The following EPM2A variants were observed in gnomAD, a reference collection of about 807,000 sequenced individuals.
EPM2A encodes the protein EPM2A glucan phosphatase, laforin.
EPM2A carries 21 observed loss-of-function variants against 26.5 expected under a neutral mutation model. The observed-to-expected ratio is 0.79, with a 90% CI of 0.56 to 1.14. EPM2A has a LOEUF of 1.14. Ranked by LOEUF, EPM2A falls within the 50% of genes most tolerant of loss-of-function variation. EPM2A has a pLI of 0.00. For synonymous variants in EPM2A, 217 were observed against 177.6 expected, an observed-to-expected ratio of 1.22 and a Z score of -1.76; for missense variants, 458 against 440.8, an observed-to-expected ratio of 1.04 and a Z score of -0.35.
chr6:145,464,924 A>G (rs909486899), intron 4 of EPM2A, among the ~76,000 whole-genome samples: 5 of 151,978 alleles, frequency 3.3e-5, no homozygotes, highest in African/African-American at 4.8e-5. Context: ...CCTTCATTTC[A>G]ACTTTGGTGA....
At chr6:145,719,131 C>T (rs944201318) in intron 1 of EPM2A, among the ~76,000 whole-genome samples, 1 of 151,786 alleles carries the variant, frequency 6.6e-6, no homozygotes, top group Non-Finnish European at 1.5e-5. Flanking sequence ...GGTATATACC[C>T]AAAGGATTAT....
intron 1 of EPM2A, among the ~76,000 whole-genome samples, chr6:145,707,641 C>T (rs772380558): frequency 2.6e-5 from 4 of 152,206 alleles, no homozygotes; most frequent in South Asian, 2.1e-4. Context: ...TCATGTAAGA[C>T]GTGATTTTGC....
At chr6:145,658,069 T>C (rs959701206) in intron 2 of EPM2A, among the ~76,000 whole-genome samples, 1 of 152,226 alleles carries the variant, frequency 6.6e-6, no homozygotes, top group Non-Finnish European at 1.5e-5. Flanking sequence ...ACTATTTTAA[T>C]GTTCCCCCTA....
In EPM2A at chr6:145,385,337, A is replaced by T. The variant is rs1007231209; in HGVS notation, c.556-1240T>A. 2.7e-4 allele frequency among the ~76,000 whole-genome samples: 33 copies of T among 120,492 alleles called. 3 individuals are homozygous for T. Among genetic ancestry groups the T allele is most frequent in the African/African-American group, 9.1e-4 (29 of 31,988 alleles). The allele number at this position is 120,492 out of a possible 152,430, so 79.0% of individuals were successfully genotyped here. Reference sequence around the variant, plus strand: ...CCACATATTTGGTTTGGAATTTTGTAATTTAGTTCTTCCTTAAATATAAAG... The same window carrying T: ...CCACATATTTGGTTTGGAATTTTGTTATTTAGTTCTTCCTTAAATATAAAG... On this transcript the variant is annotated intron_variant, in intron 4 of 4. Transcript: ENST00000638717.
chr6:145,701,004 C>A (rs746951616), intron 1 of EPM2A, among the ~76,000 whole-genome samples: 1 of 152,082 alleles, frequency 6.6e-6, no homozygotes, highest in Non-Finnish European at 1.5e-5. Context: ...TAGAAATATA[C>A]AGCTAGTTGA....
At chr6:145,397,163 G>A (rs1429903541) in intron 4 of EPM2A, among the ~76,000 whole-genome samples, 1 of 152,176 alleles carries the variant, frequency 6.6e-6, no homozygotes, top group African/African-American at 2.4e-5. Flanking sequence ...CGGTTTGGTA[G>A]CTCAGGCCTG....
In EPM2A at chr6:145,666,256, A is replaced by G. The variant is rs995291815; in HGVS notation, c.476+19866T>C. ...TTGCAGACGACATGATTGTTTATCT[A>G]GAAAACCCCATTGTCTCAGCCCAAA... is the stretch of plus-strand genomic sequence containing the variant. On this transcript the variant is annotated intron_variant, in intron 2 of 3. Coordinates refer to ENST00000367519, the MANE Select transcript of EPM2A (RefSeq NM_005670.4). Among the ~76,000 whole-genome samples the G allele has an allele frequency of 4.9e-5, 5 of 102,262 alleles. No individual in the cohort carries two copies. In the East Asian group the frequency reaches 1.6e-3, roughly 32 times the overall value. The allele number at this position is 102,262 out of a possible 152,430, so 67.1% of individuals were successfully genotyped here.
At chr6:145,580,966 C>A (rs552647472) in intron 2 of EPM2A, among the ~76,000 whole-genome samples, 2 of 152,150 alleles carry the variant, frequency 1.3e-5, no homozygotes, top group East Asian at 3.9e-4. Flanking sequence ...TTGAATAGTG[C>A]TTTGATGAAC....
In EPM2A at chr6:145,551,018, G is replaced by A. The variant is rs547193446; in HGVS notation, c.341-48443C>T. Among the ~76,000 whole-genome samples the A allele has an allele frequency of 3.3e-5, 5 of 152,080 alleles. No individual in the cohort carries two copies. In the East Asian group the frequency reaches 9.7e-4, roughly 30 times the overall value. ...GAAGGTCAACTGTACAGCGAATAAGGTCTCCTGCACAGAATTCCAGAATTC... is the reference window on the plus strand; with the variant it reads ...GAAGGTCAACTGTACAGCGAATAAGATCTCCTGCACAGAATTCCAGAATTC... On this transcript the variant is annotated intron_variant, in intron 2 of 3. Transcript: ENST00000450221.
intron 4 of EPM2A, among the ~76,000 whole-genome samples, chr6:145,392,759 C>T (rs918757716): frequency 6.6e-6 from 1 of 152,034 alleles, no homozygotes; most frequent in Non-Finnish European, 1.5e-5. Flanking sequence ...TTGTCAATTG[C>T]TCCAGATGTT....
At chr6:145,565,947 C>T (rs1780879090) in intron 2 of EPM2A, among the ~76,000 whole-genome samples, 1 of 152,198 alleles carries the variant, frequency 6.6e-6, no homozygotes, top group Non-Finnish European at 1.5e-5. Flanking sequence ...AATCTCTCCT[C>T]TAAGGCAATG....
chr6:145,726,700 C>A (rs1211299956), intron 1 of EPM2A, among the ~76,000 whole-genome samples: 1 of 152,040 alleles, frequency 6.6e-6, no homozygotes, highest in Non-Finnish European at 1.5e-5. Flanking sequence ...CCCAATTGAG[C>A]AACTTTCTGC....
intron 4 of EPM2A, chr6:145,489,765 G>A: frequency 6.9e-7 from 1 of 1,444,730 alleles, no homozygotes; most frequent in Non-Finnish European, 9.7e-7. Flanking sequence ...TGCTTGGCTA[G>A]GTTCTCTCTT....
intron 2 of EPM2A, among the ~76,000 whole-genome samples, chr6:145,664,822 C>G (rs890308015): frequency 3.3e-5 from 5 of 151,930 alleles, no homozygotes; most frequent in African/African-American, 1.2e-4. Context: ...TCTCTCAGAC[C>G]ACAGTGCAAT....
At chr6:145,460,150 C>T (rs1779311907) in intron 4 of EPM2A, among the ~76,000 whole-genome samples, 1 of 152,168 alleles carries the variant, frequency 6.6e-6, no homozygotes, top group South Asian at 2.1e-4. Context: ...GACTCGTTAT[C>T]ACCATCTTTA....
chr6:145,620,314 C>G (rs1775606056), downstream of EPM2A, among the ~76,000 whole-genome samples: 1 of 152,174 alleles, frequency 6.6e-6, no homozygotes, highest in South Asian at 2.1e-4. Context: ...AATCCGCTGA[C>G]AATCTGATGC....
chr6:145,679,110 T>C (rs1262426321), intron 2 of EPM2A, among the ~76,000 whole-genome samples: 3 of 152,074 alleles, frequency 2.0e-5, no homozygotes, highest in Non-Finnish European at 4.4e-5. Context: ...GGGACATGGA[T>C]GAATCTGGAA....
chr6:145,512,134 C>T (rs1780062598), intron 2 of EPM2A, among the ~76,000 whole-genome samples: 1 of 152,038 alleles, frequency 6.6e-6, no homozygotes, highest in Non-Finnish European at 1.5e-5. Flanking sequence ...AATGGGAAAA[C>T]ATCCCAACGC....
intron 2 of EPM2A, among the ~76,000 whole-genome samples, chr6:145,615,505 C>T (rs186950736): frequency 7.2e-4 from 109 of 151,848 alleles, no homozygotes; most frequent in East Asian, 1.8e-3. Flanking sequence ...AGTATTAGTA[C>T]GGTAGAGTGG....
Sources: allele counts gnomAD v4.1 joint callset (sites outside exome capture counted in the v4.1 genomes callset), GRCh38; gene constraint gnomAD v4.1.1; transcripts MANE v1.5; gene names NCBI Gene and HGNC (gene_info 2026-07-23, HGNC 2026-07-21).